Variants in NEK11 observed in about 807,000 individuals in gnomAD.
The protein encoded by NEK11 is serine/threonine-protein kinase Nek11.
NEK11 carries 72 observed loss-of-function variants against 80.7 expected under a neutral mutation model. The observed-to-expected ratio is 0.89, with a 90% CI of 0.74 to 1.08. The LOEUF is 1.08. Ranked by LOEUF, NEK11 falls within the 50% of genes least tolerant of loss-of-function variation. The pLI is 0.00. For missense variants in NEK11, 764 were observed against 763.6 expected (o/e 1.00, Z -0.01); for synonymous variants, 251 against 260.7 (o/e 0.96, Z 0.36).
At chr3:131,236,438 T>C (rs2095432403) in intron 15 of NEK11, among the ~76,000 whole-genome samples, 1 of 152,196 alleles carries the variant, frequency 6.6e-6, no homozygotes, top group African/African-American at 2.4e-5. Context: ...AGTTCTGTCA[T>C]TGGATACCTA....
intron 10 of NEK11, among the ~76,000 whole-genome samples, chr3:131,156,688 T>A (rs1489880604): frequency 6.6e-6 from 1 of 152,172 alleles, no homozygotes; most frequent in African/African-American, 2.4e-5. Flanking sequence ...ATACTCTGTA[T>A]TACTTTGGAC....
At chr3:131,130,842 C>G (rs1271374958) in intron 5 of NEK11, among the ~76,000 whole-genome samples, 1 of 152,174 alleles carries the variant, frequency 6.6e-6, no homozygotes, top group Non-Finnish European at 1.5e-5. Flanking sequence ...CGCTCTGTCA[C>G]CCAGGCTGGA....
At chr3:131,334,654 C>T (rs1383516940) in intron 17 of NEK11, among the ~76,000 whole-genome samples, 19 of 151,840 alleles carry the variant, frequency 1.3e-4, no homozygotes. Flanking sequence ...ACAAAAAACC[C>T]TTCAAAAAAT....
intron 17 of NEK11, among the ~76,000 whole-genome samples, chr3:131,344,574 A>C (rs570151886): frequency 6.6e-6 from 1 of 151,632 alleles, no homozygotes; most frequent in Non-Finnish European, 1.5e-5. Flanking sequence ...GTATTAGGCT[A>C]TTTGTTGCAT....
At chr3:131,211,158 G>A (rs2094600009) in intron 14 of NEK11, among the ~76,000 whole-genome samples, 1 of 152,152 alleles carries the variant, frequency 6.6e-6, no homozygotes, top group Non-Finnish European at 1.5e-5. Flanking sequence ...GCTCTTGTAA[G>A]GCAGGCCTGG....
In NEK11 at chr3:131,146,339, A is replaced by T. The variant is rs181777270; in HGVS notation, c.648-6049A>T. Among the ~76,000 whole-genome samples the T allele has an allele frequency of 5.9e-5, 9 of 152,248 alleles. No homozygotes were observed. The East Asian group carries it at 1.7e-3, about 29-fold the overall frequency. ...TGTAACTTTTTAAAAGAGAAATTTT[A>T]AAAAGTATTGGATGAGAACTAATAC... is the stretch of plus-strand genomic sequence containing the variant. On this transcript the variant is annotated intron_variant, in intron 7 of 17. Coordinates refer to ENST00000383366, the MANE Select transcript of NEK11 (RefSeq NM_024800.5).
chr3:131,034,436 G>T (rs976870992), intron 3 of NEK11, among the ~76,000 whole-genome samples: 3 of 150,918 alleles, frequency 2.0e-5, no homozygotes, highest in African/African-American at 7.3e-5. Context: ...GTCTCGATTT[G>T]TCACCCAGGC....
intron 17 of NEK11, among the ~76,000 whole-genome samples, chr3:131,307,613 G>T (rs921122013): frequency 6.6e-6 from 1 of 152,166 alleles, no homozygotes; most frequent in Non-Finnish European, 1.5e-5. Flanking sequence ...GCTGACCATA[G>T]TTGTTGTGTG....
chr3:131,068,373 A>G (rs966519620), intron 3 of NEK11, among the ~76,000 whole-genome samples: 1 of 152,232 alleles, frequency 6.6e-6, no homozygotes, highest in Admixed American at 6.5e-5. Context: ...TGTATGCACA[A>G]TAAAATTCAA....
intron 15 of NEK11, among the ~76,000 whole-genome samples, chr3:131,228,890 A>T (rs1330580857): frequency 1.3e-5 from 2 of 152,022 alleles, no homozygotes; most frequent in African/African-American, 2.4e-5. Context: ...GATCTGGACC[A>T]TGTTGATGGG....
rs754044355 is a variant in NEK11 at position 131,162,405 on chromosome 3, T to C, written c.963-3T>C. On this transcript the variant is annotated splice_region_variant and splice_polypyrimidine_tract_variant and intron_variant, in intron 10 of 17. Transcript: ENST00000383366. ...ATATGAGGGGAATCTTTGTTATTTA[T>C]AGGCAAAAAAGGATCCACCTGCAGA... The C allele has an allele frequency of 6.2e-7, 1 of 1,611,492 alleles. No homozygotes were observed. Among genetic ancestry groups the C allele is most frequent in the Non-Finnish European group, 8.5e-7 (1 of 1,179,304 alleles).
intron 3 of NEK11, among the ~76,000 whole-genome samples, chr3:131,079,535 T>C (rs1163281575): frequency 6.6e-6 from 1 of 152,260 alleles, no homozygotes; most frequent in African/African-American, 2.4e-5. Context: ...ATTGGTGTTC[T>C]AAAGTATTTT....
At chr3:131,180,510 A>T (rs1178324982) in intron 14 of NEK11, among the ~76,000 whole-genome samples, 1 of 152,208 alleles carries the variant, frequency 6.6e-6, no homozygotes, top group Non-Finnish European at 1.5e-5. Flanking sequence ...TGACAAAAAC[A>T]ATATTTTATT....
chr3:131,238,364 T>C (rs1264220013), intron 15 of NEK11, among the ~76,000 whole-genome samples: 1 of 152,194 alleles, frequency 6.6e-6, no homozygotes, highest in Non-Finnish European at 1.5e-5. Context: ...TTTTTTTCAC[T>C]GCTATATTCC....
intron 17 of NEK11, among the ~76,000 whole-genome samples, chr3:131,278,344 C>T (rs1451836363): frequency 6.6e-6 from 1 of 152,076 alleles, no homozygotes; most frequent in Non-Finnish European, 1.5e-5. Flanking sequence ...GTGTTGACTT[C>T]TTTTCTGACT....
intron 3 of NEK11, among the ~76,000 whole-genome samples, chr3:131,067,466 G>T (rs1412173916): frequency 1.3e-5 from 2 of 152,234 alleles, no homozygotes; most frequent in African/African-American, 4.8e-5. Flanking sequence ...ATTAAAACTG[G>T]CTTATGACAC....
At chr3:131,303,709 T>C (rs1347853312) in intron 17 of NEK11, among the ~76,000 whole-genome samples, 8 of 152,316 alleles carry the variant, frequency 5.3e-5, no homozygotes, top group African/African-American at 1.7e-4. Context: ...GAATTTCTGT[T>C]GAGAGGTCTG....
chr3:131,164,054 A>T (rs924394906), intron 11 of NEK11, among the ~76,000 whole-genome samples: 3 of 152,228 alleles, frequency 2.0e-5, no homozygotes, highest in African/African-American at 7.2e-5. Flanking sequence ...AATGATTTAG[A>T]GGTGTCCTTG....
chr3:131,307,059 T>A (rs536645638), intron 17 of NEK11, among the ~76,000 whole-genome samples: 26 of 152,322 alleles, frequency 1.7e-4, no homozygotes, highest in East Asian at 1.2e-3. Context: ...TTGATTTTTT[T>A]AAAACTCTGT....
Sources: gnomAD v4.1 joint callset for allele counts (sites outside exome capture counted in the v4.1 genomes callset) on GRCh38, gnomAD v4.1.1 for gene constraint, MANE v1.5 for transcripts, NCBI Gene and HGNC (gene_info 2026-07-23, HGNC 2026-07-21) for gene names.